PIK3R2: variants seen among roughly 807,000 people sequenced by gnomAD.
The protein encoded by PIK3R2 is phosphatidylinositol 3-kinase regulatory subunit beta.
PIK3R2 carries 40 observed loss-of-function variants against 78.5 expected under a neutral mutation model. The ratio of observed to expected loss-of-function variants is 0.51; its 90% CI spans 0.40 to 0.66. The LOEUF (loss-of-function observed/expected upper bound fraction) is 0.66, where lower values mean the gene tolerates loss of function less well. Ranked by LOEUF, PIK3R2 falls within the 30% of genes least tolerant of loss-of-function variation. The pLI is 0.00. For missense variants in PIK3R2, 880 were observed against 1,026.6 expected, an observed-to-expected ratio of 0.86 and a Z score of 1.95; for synonymous variants, 473 against 457.7, an observed-to-expected ratio of 1.03 and a Z score of -0.43.
rs768953840 is a variant in PIK3R2 at position 18,155,865 on chromosome 19, C to A, written c.-15C>A. 72 of 1,533,062 alleles carry A rather than the reference C, an allele frequency of 4.7e-5. No homozygotes were observed. Among genetic ancestry groups the A allele is most frequent in the Middle Eastern group, 1.7e-4 (1 of 5,932 alleles). The allele number at this position is 1,533,062 out of a possible 1,614,324, so 95.0% of individuals were successfully genotyped here. A position where few individuals can be genotyped will look rare whatever the true frequency, so the allele number is the denominator to read the frequency against. On this transcript the variant is annotated 5_prime_UTR_variant, in exon 2 of 16. Transcript: ENST00000222254. Reference sequence around the variant, plus strand: ...AGCCACCTAACCATCCAGACCCCACCCCACTCACGCGGCCATGGCGGGCCC... The same window carrying A: ...AGCCACCTAACCATCCAGACCCCACACCACTCACGCGGCCATGGCGGGCCC...
Position 18,155,848 on chromosome 19 carries a change from A to G in PIK3R2, c.-32A>G. ...CCAGTGGGGCTCCAAGCAGCCACCT[A>G]ACCATCCAGACCCCACCCCACTCAC... On this transcript the variant is annotated 5_prime_UTR_variant, in exon 2 of 16. An upstream open reading frame in the 5' UTR loses its in-frame stop. Transcript: ENST00000222254. 6.6e-7 allele frequency: 1 copy of G among 1,507,566 alleles called. No individual in the cohort carries two copies. 93.4% of individuals were successfully genotyped at this position (1,507,566 alleles called of 1,614,324 possible). A position where few individuals can be genotyped will look rare whatever the true frequency, so the allele number is the denominator to read the frequency against.
At position 18,161,948 on chromosome 19, in the gene PIK3R2, A is replaced by C. The variant is rs2043752468; in HGVS notation, c.816-18A>C. On this transcript the variant is annotated intron_variant, in intron 6 of 15. Coordinates refer to ENST00000222254, the MANE Select transcript of PIK3R2 (RefSeq NM_005027.4). The surrounding 1 kb of genome is among the most constrained non-coding windows in gnomAD (Gnocchi z 5.3). ...ACAGGCCCTACCCAGCCCTCACCAC[A>C]CTCCCCTTCCCCCTAAGGAGTGAGC... 6.2e-7 allele frequency: 1 copy of C among 1,610,684 alleles called. No homozygotes were observed. Among genetic ancestry groups the C allele is most frequent in the African/African-American group, 1.3e-5 (1 of 74,480 alleles).
chr19:18,153,646 G>C (rs1468137285), intron 1 of PIK3R2, among the ~76,000 whole-genome samples: 2 of 152,160 alleles, frequency 1.3e-5, no homozygotes, highest in East Asian at 1.9e-4. Flanking sequence ...GGAGGGCCGG[G>C]GGTCGAACCC....
chr19:18,153,616 G>A (rs996959685), intron 1 of PIK3R2, among the ~76,000 whole-genome samples: 1 of 152,200 alleles, frequency 6.6e-6, no homozygotes, highest in African/African-American at 2.4e-5. Context: ...CAGGCATTGT[G>A]CGGGGCAGAA....
At position 18,162,395 on chromosome 19, in the gene PIK3R2, G is replaced by A; in HGVS notation, c.1011-13G>A. ...AGGTGGCTCGGCAGTCCCAATGTTG[G>A]ATGTTCCCACAGGGAGGAGGTGAAC... On this transcript the variant is annotated splice_polypyrimidine_tract_variant and intron_variant, in intron 8 of 15. Coordinates refer to ENST00000222254, the MANE Select transcript of PIK3R2 (RefSeq NM_005027.4). 1 of 1,612,388 alleles carries A rather than the reference G, an allele frequency of 6.2e-7. No homozygotes were observed.
At chr19:18,160,794 A>C (rs1599971241) in intron 3 of PIK3R2, 125 bp from the exon 4 acceptor site, 24 of 1,083,612 alleles carry the variant, frequency 2.2e-5, no homozygotes, top group Middle Eastern at 2.5e-4. Context: ...CTCCCTCCCC[A>C]CCCCTCCCAT....
intron 11 of PIK3R2, 21 bp from the exon 12 acceptor site, chr19:18,166,139 G>C (rs749899011): frequency 3.1e-6 from 5 of 1,613,564 alleles, no homozygotes; most frequent in Non-Finnish European, 4.2e-6. Context: ...AGGAGGTGCT[G>C]AGCTGCGCCC....
intron 9 of PIK3R2, 198 bp downstream of exon 9, chr19:18,162,704 T>C: frequency 1.7e-6 from 1 of 605,416 alleles, no homozygotes. Context: ...GCCAACATGG[T>C]GAAACCCCGT....
intron 11 of PIK3R2, among the ~76,000 whole-genome samples, chr19:18,164,068 A>C (rs2043781900): frequency 6.6e-6 from 1 of 150,806 alleles, no homozygotes; most frequent in Admixed American, 6.6e-5. Context: ...AGAGATTGCA[A>C]TGAGCCAAGA....
intron 2 of PIK3R2, among the ~76,000 whole-genome samples, chr19:18,159,301 C>G (rs768188776): frequency 6.6e-6 from 1 of 151,736 alleles, no homozygotes; most frequent in Admixed American, 6.6e-5. Context: ...ACAACAGAAA[C>G]TTATTCTGTC....
intron 11 of PIK3R2, among the ~76,000 whole-genome samples, chr19:18,163,934 T>G (rs907053319): frequency 6.6e-6 from 1 of 152,014 alleles, no homozygotes; most frequent in Non-Finnish European, 1.5e-5. Flanking sequence ...CGAGACCAAC[T>G]TGGCCAACAT....
intron 12 of PIK3R2, among the ~76,000 whole-genome samples, chr19:18,166,813 C>T (rs1457561932): frequency 6.6e-6 from 1 of 151,170 alleles, no homozygotes; most frequent in African/African-American, 2.4e-5. Flanking sequence ...GCTGGAAGCA[C>T]ATAGTCTGGT....
chr19:18,158,352 A>G (rs2043700701), intron 2 of PIK3R2, among the ~76,000 whole-genome samples: 1 of 152,146 alleles, frequency 6.6e-6, no homozygotes, highest in Admixed American at 6.6e-5. Context: ...TTAGCCAGGC[A>G]TGGTGGCACC....
At position 18,162,265 on chromosome 19, in the gene PIK3R2, C is replaced by T. The variant is rs749479311; in HGVS notation, c.965C>T (p.Pro322Leu). Residue 322 changes from proline to leucine, a missense_variant, in exon 8 of 16, where the codon CCA (proline) becomes CTA (leucine). Pro to Leu is a moderately conservative substitution (Grantham distance 98). This residue lies in a region of PIK3R2 where 456 missense variants were observed against 486.6 expected (regional missense o/e 0.94). Coordinates refer to ENST00000222254, the MANE Select transcript of PIK3R2 (RefSeq NM_005027.4). The stretch of plus-strand genomic sequence containing the variant: ...ACAGTCCTGGCCAATGGAGGGAGCC[C>T]ACCCTCCCTGCAGGATGCTGAGTGG... ...ASTVLANGGS[P>L]PSLQDAEWYW... The T allele has an allele frequency of 2.7e-5, 43 of 1,611,194 alleles. No individual in the cohort carries two copies. Among genetic ancestry groups the T allele is most frequent in the Non-Finnish European group, 3.5e-5 (41 of 1,177,796 alleles).
Position 18,167,351 on chromosome 19 carries a change from T to G in PIK3R2, c.1736+45T>G. ...TTCCCTGCGGCTCCCTGGCGACTGCTGCGGCACATGGAGATCTCTCTAGGA... is the reference window on the plus strand; with the variant it reads ...TTCCCTGCGGCTCCCTGGCGACTGCGGCGGCACATGGAGATCTCTCTAGGA... On this transcript the variant is annotated intron_variant, in intron 13 of 15. Coordinates refer to ENST00000222254, the MANE Select transcript of PIK3R2 (RefSeq NM_005027.4). This position sits in a 1 kb window ranked among gnomAD's most constrained non-coding sequence, Gnocchi z 4.5. 1 of 1,475,670 alleles carries G rather than the reference T, an allele frequency of 6.8e-7. No individual in the cohort carries two copies. Among genetic ancestry groups the G allele is most frequent in the South Asian group, 1.3e-5 (1 of 75,354 alleles). 91.4% of individuals were successfully genotyped at this position (1,475,670 alleles called of 1,614,324 possible).
At chr19:18,159,959 G>A (rs533850478) in intron 2 of PIK3R2, among the ~76,000 whole-genome samples, 10 of 152,148 alleles carry the variant, frequency 6.6e-5, no homozygotes, top group South Asian at 2.1e-4. Context: ...AGGCTGGTTC[G>A]AATTCCTGGC....
chr19:18,155,873 C>G lies in PIK3R2; in HGVS notation c.-7C>G, dbSNP rs548642022. ...AACCATCCAGACCCCACCCCACTCA[C>G]GCGGCCATGGCGGGCCCTGAGGGCT... On this transcript the variant is annotated 5_prime_UTR_variant, in exon 2 of 16. Transcript: ENST00000222254. The G allele has an allele frequency of 2.6e-6, 4 of 1,537,108 alleles. No homozygotes were observed. Among genetic ancestry groups the G allele is most frequent in the South Asian group, 1.2e-5 (1 of 82,684 alleles).
chr19:18,162,586 G>A (rs983937590), intron 9 of PIK3R2, 80 bp downstream of exon 9: 53 of 1,277,926 alleles, frequency 4.1e-5, no homozygotes, highest in Non-Finnish European at 5.0e-5. Flanking sequence ...GAACATGTGC[G>A]GTTTCAAGAA....
chr19:18,168,777 C>T lies in PIK3R2; in HGVS notation c.1860C>T (p.Arg620=). ...DEDDLPHHEE[R]TWYVGKINRT... ...ACGATCTCCCGCACCACGAGGAACGCACTTGGTACGTGGGCAAGATCAACC... is the reference window on the plus strand; with the variant it reads ...ACGATCTCCCGCACCACGAGGAACGTACTTGGTACGTGGGCAAGATCAACC... Residue 620 remains arginine, a synonymous_variant, in exon 15 of 16, where the codon CGC becomes CGT. Transcript: ENST00000222254. The surrounding 1 kb of genome is among the most constrained non-coding windows in gnomAD (Gnocchi z 4.1). The T allele has an allele frequency of 6.2e-7, 1 of 1,613,950 alleles. No homozygotes were observed. The highest frequency in any genetic ancestry group is 8.5e-7 in the Non-Finnish European group (1 of 1,179,982).
Sources: gnomAD v4.1 joint callset for allele counts (sites outside exome capture counted in the v4.1 genomes callset) on GRCh38, gnomAD v4.1.1 for gene constraint, gnomAD v4.1.1 regional missense constraint, Gnocchi (gnomAD v3.1) non-coding constraint, MANE v1.5 for transcripts, NCBI Gene and HGNC (gene_info 2026-07-23, HGNC 2026-07-21) for gene names.